Variants in MICOS10 observed in about 807,000 individuals in gnomAD.
MICOS10 encodes the protein mitochondrial contact site and cristae organizing system subunit 10.
A neutral mutation model predicts 13.4 loss-of-function variants in MICOS10; 5 were observed. The observed-to-expected ratio is 0.37, with a 90% CI of 0.20 to 0.78. The LOEUF is 0.78. Ranked by LOEUF, MICOS10 falls within the 30% of genes least tolerant of loss-of-function variation. The probability of loss-of-function intolerance (pLI) is 0.47; values close to 1 mark genes in which losing one functional copy is unlikely to be tolerated. For missense variants in MICOS10, 101 were observed against 94.6 expected (o/e 1.07, Z -0.28); for synonymous variants, 35 against 33.6 (o/e 1.04, Z -0.15).
At position 19,626,741 on chromosome 1, in the gene MICOS10, T is replaced by C. The variant is rs1053665380; in HGVS notation, c.*340T>C. On this transcript the variant is annotated 3_prime_UTR_variant, in exon 4 of 4. Coordinates refer to ENST00000322753, the MANE Select transcript of MICOS10 (RefSeq NM_001032363.4). ...GCTCACAGCCTCTCTGAGAACCCCCTGAAACCAGTTGTTGGGTATCCTTCC... is the reference window on the plus strand; with the variant it reads ...GCTCACAGCCTCTCTGAGAACCCCCCGAAACCAGTTGTTGGGTATCCTTCC... The C allele has an allele frequency of 3.0e-5, 8 of 263,058 alleles. No homozygotes were observed. The highest frequency in any genetic ancestry group is 1.7e-4 in the African/African-American group (8 of 46,138). 16.3% of individuals were successfully genotyped at this position (263,058 alleles called of 1,614,324 possible). A position where few individuals can be genotyped will look rare whatever the true frequency, so the allele number is the denominator to read the frequency against.
intron 1 of MICOS10, chr1:19,608,107 T>C: frequency 2.0e-6 from 2 of 988,026 alleles, no homozygotes; most frequent in Non-Finnish European, 3.3e-6. Flanking sequence ...GGAGACGACG[T>C]GCAGAAATGG....
intron 1 of MICOS10, among the ~76,000 whole-genome samples, chr1:19,604,938 A>G (rs1217043803): frequency 6.6e-6 from 1 of 152,210 alleles, no homozygotes; most frequent in Non-Finnish European, 1.5e-5. Context: ...CCTTCTGGGA[A>G]TGATGAGAAT....
At chr1:19,612,243 A>G (rs1425922322) in intron 1 of MICOS10, among the ~76,000 whole-genome samples, 1 of 149,734 alleles carries the variant, frequency 6.7e-6, no homozygotes, top group East Asian at 2.1e-4. Flanking sequence ...TTTTTAGTAG[A>G]GACGGGGTTT....
chr1:19,625,427 C>T, intron 3 of MICOS10: 1 of 1,289,398 alleles, frequency 7.8e-7, no homozygotes, highest in Non-Finnish European at 1.0e-6. Context: ...GCAGCCAGCC[C>T]ATGTCTGCTG....
intron 1 of MICOS10, 127 bp downstream of exon 1, chr1:19,597,236 G>A: frequency 9.5e-7 from 1 of 1,052,052 alleles, no homozygotes; most frequent in Non-Finnish European, 1.3e-6. Flanking sequence ...CGGCCCCTCC[G>A]GCCAGGGCGA....
intron 1 of MICOS10, among the ~76,000 whole-genome samples, chr1:19,605,942 G>A (rs2094832927): frequency 6.6e-6 from 1 of 152,152 alleles, no homozygotes; most frequent in Non-Finnish European, 1.5e-5. Flanking sequence ...TCTATGTTTA[G>A]CATTCGAAGA....
In MICOS10 at chr1:19,620,212, T is replaced by C. The variant is rs60721733; in HGVS notation, c.65-1888T>C. On this transcript the variant is annotated intron_variant, in intron 1 of 3. Coordinates refer to ENST00000322753, the MANE Select transcript of MICOS10 (RefSeq NM_001032363.4). ...TTGTTTTTATTGTAAGACAAACCTTTCATGTTTTATTGTTATGAAGTTTAA... is the reference window on the plus strand; with the variant it reads ...TTGTTTTTATTGTAAGACAAACCTTCCATGTTTTATTGTTATGAAGTTTAA... 7.5e-3 allele frequency among the ~76,000 whole-genome samples: 1,135 copies of C among 152,348 alleles called. 12 individuals carry two copies. The highest frequency in any genetic ancestry group is 0.026 in the African/African-American group (1,085 of 41,584).
chr1:19,604,413 G>A (rs2094827175), intron 1 of MICOS10, among the ~76,000 whole-genome samples: 1 of 152,156 alleles, frequency 6.6e-6, no homozygotes, highest in Admixed American at 6.5e-5. Flanking sequence ...AGAAGCTGAG[G>A]CATGAGAATC....
intron 1 of MICOS10, among the ~76,000 whole-genome samples, chr1:19,597,464 C>T (rs1420148929): frequency 6.6e-6 from 1 of 152,214 alleles, no homozygotes. Flanking sequence ...CATTCCCCGG[C>T]ACGCGGCGGG....
chr1:19,604,030 ACAGT>A, intron 1 of MICOS10, among the ~76,000 whole-genome samples: 1 of 152,360 alleles, frequency 6.6e-6, no homozygotes, highest in Middle Eastern at 3.4e-3. Context: ...AGTGGCATAC[ACAGT>A]CATTTTGTTT....
chr1:19,614,143 T>C (rs1325265747), intron 1 of MICOS10, among the ~76,000 whole-genome samples: 1 of 152,094 alleles, frequency 6.6e-6, no homozygotes, highest in Admixed American at 6.6e-5. Context: ...TGGCGTGATG[T>C]CAGCTCACTG....
At chr1:19,623,168 G>A (rs1217167706) in intron 2 of MICOS10, among the ~76,000 whole-genome samples, 4 of 152,010 alleles carry the variant, frequency 2.6e-5, no homozygotes, top group Non-Finnish European at 2.9e-5. Flanking sequence ...TGATCCGCCC[G>A]CCTACGCCTC....
chr1:19,621,867 G>A (rs906467639), intron 1 of MICOS10, among the ~76,000 whole-genome samples: 1 of 152,036 alleles, frequency 6.6e-6, no homozygotes, highest in Non-Finnish European at 1.5e-5. Context: ...CCCACACCCC[G>A]CAACTTGTCT....
chr1:19,609,460 T>C (rs1047754848), intron 1 of MICOS10, among the ~76,000 whole-genome samples: 1 of 152,176 alleles, frequency 6.6e-6, no homozygotes, highest in African/African-American at 2.4e-5. Flanking sequence ...GTTAAACATA[T>C]GATATAGCCA....
chr1:19,609,305 A>G (rs1019876210), intron 1 of MICOS10, among the ~76,000 whole-genome samples: 1 of 152,138 alleles, frequency 6.6e-6, no homozygotes, highest in Admixed American at 6.6e-5. Flanking sequence ...ATACCTACAC[A>G]CCCATTAAAA....
intron 3 of MICOS10, among the ~76,000 whole-genome samples, chr1:19,624,500 C>G (rs765921366): frequency 2.6e-5 from 4 of 152,108 alleles, no homozygotes; most frequent in Non-Finnish European, 5.9e-5. Context: ...GTTGGCCAGG[C>G]TGGTCTTGAA....
chr1:19,606,329 T>C (rs1215736382), intron 1 of MICOS10, among the ~76,000 whole-genome samples: 1 of 148,880 alleles, frequency 6.7e-6, no homozygotes, highest in African/African-American at 2.5e-5. Context: ...TCTTAATTTC[T>C]AGTATGTCTT....
intron 1 of MICOS10, among the ~76,000 whole-genome samples, chr1:19,612,195 A>C (rs2094865683): frequency 6.9e-6 from 1 of 145,830 alleles, no homozygotes; most frequent in African/African-American, 2.5e-5. Context: ...GGCGCCCACC[A>C]CCATGCCTGG....
At chr1:19,608,673 GAAA>G (rs754117580) in intron 1 of MICOS10, 5 of 600,286 alleles carry the variant, frequency 8.3e-6, no homozygotes, top group African/African-American at 1.9e-5. Context: ...CTTGGAGTCA[GAAA>G]AGATTTTGGG....
Sources: gnomAD v4.1 joint callset for allele counts (sites outside exome capture counted in the v4.1 genomes callset) on GRCh38, gnomAD v4.1.1 for gene constraint, MANE v1.5 for transcripts, NCBI Gene and HGNC (gene_info 2026-07-23, HGNC 2026-07-21) for gene names.